Variants in GRID1 observed in about 807,000 individuals in gnomAD.
GRID1 encodes the protein glutamate receptor ionotropic, delta-1.
Under a neutral mutation model 98.0 loss-of-function variants are expected in GRID1, and 28 were observed. That is an observed-to-expected ratio of 0.29 (90% CI 0.21 to 0.39). The LOEUF is 0.39. Ranked by LOEUF, GRID1 falls within the 10% of genes least tolerant of loss-of-function variation. GRID1 has a pLI of 1.00. For missense variants in GRID1, 1,111 were observed against 1,340.5 expected, an observed-to-expected ratio of 0.83 and a Z score of 2.67; for synonymous variants, 553 against 538.5, an observed-to-expected ratio of 1.03 and a Z score of -0.37.
intron 15 of GRID1, among the ~76,000 whole-genome samples, chr10:85,611,013 T>C (rs1040083367): frequency 6.6e-6 from 1 of 152,180 alleles, no homozygotes; most frequent in Non-Finnish European, 1.5e-5. Context: ...AATGTATTCA[T>C]CATTTCATAA....
intron 2 of GRID1, among the ~76,000 whole-genome samples, chr10:86,317,722 T>A (rs1384241914): frequency 2.0e-5 from 3 of 152,040 alleles, no homozygotes; most frequent in Non-Finnish European, 4.4e-5. Flanking sequence ...TCCACCAAAC[T>A]GTGTCATTTT....
chr10:85,926,279 A>G (rs1019272955), intron 4 of GRID1, among the ~76,000 whole-genome samples: 6 of 152,128 alleles, frequency 3.9e-5, no homozygotes, highest in Non-Finnish European at 8.8e-5. Context: ...TGGGCACTCA[A>G]TTTGGGACTC....
intron 4 of GRID1, among the ~76,000 whole-genome samples, chr10:86,028,457 C>A (rs1374513486): frequency 1.3e-5 from 2 of 152,190 alleles, no homozygotes; most frequent in African/African-American, 4.8e-5. Flanking sequence ...AGTGAACTGG[C>A]CCTGGTCTTC....
At chr10:85,938,946 A>T (rs1482094168) in intron 4 of GRID1, among the ~76,000 whole-genome samples, 4 of 152,256 alleles carry the variant, frequency 2.6e-5, no homozygotes, top group Non-Finnish European at 4.4e-5. Context: ...AAATTAATCA[A>T]GTAAATTTGA....
intron 3 of GRID1, among the ~76,000 whole-genome samples, chr10:86,166,271 A>C (rs555278470): frequency 6.6e-6 from 1 of 152,218 alleles, no homozygotes; most frequent in Admixed American, 6.5e-5. Flanking sequence ...GAACATACAG[A>C]ATGGGAGAAA....
chr10:85,823,338 CATG>C (rs1055776056), intron 8 of GRID1, among the ~76,000 whole-genome samples: 9 of 151,690 alleles, frequency 5.9e-5, no homozygotes, highest in African/African-American at 2.2e-4. Context: ...TTGAAAAATC[CATG>C]ATATGTTCAA....
intron 8 of GRID1, among the ~76,000 whole-genome samples, chr10:85,798,094 T>C (rs1210579364): frequency 6.6e-6 from 1 of 152,212 alleles, no homozygotes; most frequent in African/African-American, 2.4e-5. Context: ...GTCTTTTGAG[T>C]ACAATGATCT....
At chr10:85,852,052 T>G (rs770729320) in intron 8 of GRID1, among the ~76,000 whole-genome samples, 1 of 152,106 alleles carries the variant, frequency 6.6e-6, no homozygotes, top group South Asian at 2.1e-4. Context: ...CCTTGGTTCA[T>G]CTGAAACTCC....
chr10:85,899,575 T>C (rs540628401), intron 5 of GRID1, among the ~76,000 whole-genome samples: 57 of 152,284 alleles, frequency 3.7e-4, no homozygotes, highest in African/African-American at 1.3e-3. Flanking sequence ...ATCCCTTTAA[T>C]TGGGTAAATT....
intron 8 of GRID1, among the ~76,000 whole-genome samples, chr10:85,835,140 T>C (rs890613858): frequency 6.6e-6 from 1 of 152,182 alleles, no homozygotes; most frequent in Non-Finnish European, 1.5e-5. Flanking sequence ...TGATCCTAAA[T>C]GTGTATGCTC....
chr10:86,331,549 C>T (rs1848142771), intron 2 of GRID1, among the ~76,000 whole-genome samples: 1 of 152,210 alleles, frequency 6.6e-6, no homozygotes, highest in Admixed American at 6.5e-5. Flanking sequence ...GCCAGACATT[C>T]CACCAGTGCC....
At chr10:85,880,495 A>C (rs1157351368) in intron 5 of GRID1, among the ~76,000 whole-genome samples, 29 of 152,216 alleles carry the variant, frequency 1.9e-4, no homozygotes, top group East Asian at 3.9e-4. Flanking sequence ...TGTAATCCAG[A>C]ATATAAACAG....
chr10:86,061,542 G>A (rs1383075574), intron 4 of GRID1, among the ~76,000 whole-genome samples: 2 of 152,190 alleles, frequency 1.3e-5, no homozygotes, highest in Non-Finnish European at 2.9e-5. Context: ...CCAGTGAGAT[G>A]CAGTCAAGAC....
rs553640529 is a variant in GRID1, at chr10:85,730,107, A to T, written c.1234-493T>A. ...TTGCACCCCGGTGCCTATGGCAAGC[A>T]GGGTCAAGAGCTTCCTGCCTGTTTT... On this transcript the variant is annotated intron_variant, in intron 8 of 15. Transcript: ENST00000327946. 2.6e-5 allele frequency among the ~76,000 whole-genome samples: 4 copies of T among 152,342 alleles called. No individual in the cohort carries two copies. In the South Asian group the frequency reaches 8.3e-4, roughly 32 times the overall value.
intron 2 of GRID1, among the ~76,000 whole-genome samples, chr10:86,336,168 T>G (rs1484755538): frequency 6.6e-6 from 1 of 152,230 alleles, no homozygotes; most frequent in African/African-American, 2.4e-5. Context: ...GTCTGATCAC[T>G]GGACTTACTT....
At chr10:86,036,372 G>C (rs369654896) in intron 4 of GRID1, among the ~76,000 whole-genome samples, 1 of 152,094 alleles carries the variant, frequency 6.6e-6, no homozygotes, top group African/African-American at 2.4e-5. Flanking sequence ...TGACAAAATC[G>C]AGCTTTGAGG....
At chr10:85,828,934 G>A (rs1034790787) in intron 8 of GRID1, among the ~76,000 whole-genome samples, 2 of 152,140 alleles carry the variant, frequency 1.3e-5, no homozygotes, top group African/African-American at 4.8e-5. Flanking sequence ...TTGAGGAGGA[G>A]GGACTCTTTC....
chr10:86,290,329 G>A (rs537911043), intron 2 of GRID1, among the ~76,000 whole-genome samples: 2 of 152,314 alleles, frequency 1.3e-5, no homozygotes, highest in African/African-American at 4.8e-5. Flanking sequence ...TGCTCCTGGG[G>A]AGGACACATC....
chr10:86,363,831 G>GA, intron 2 of GRID1, 110 bp downstream of exon 2: 4 of 926,894 alleles, frequency 4.3e-6, no homozygotes, highest in Non-Finnish European at 6.5e-6. Context: ...GGCTGCCGAG[G>GA]AACAGAGGGT....
Sources: gnomAD v4.1 joint callset for allele counts (sites outside exome capture counted in the v4.1 genomes callset) on GRCh38, gnomAD v4.1.1 for gene constraint, MANE v1.5 for transcripts, NCBI Gene and HGNC (gene_info 2026-07-23, HGNC 2026-07-21) for gene names.